LSAMP: variants seen among roughly 807,000 people sequenced by gnomAD.
LSAMP encodes the protein limbic system associated membrane protein, also known as limbic system-associated membrane protein.
A neutral mutation model predicts 38.6 loss-of-function variants in LSAMP; 7 were observed. The observed-to-expected ratio is 0.18, with a 90% confidence interval of 0.10 to 0.34. The LOEUF (loss-of-function observed/expected upper bound fraction) is 0.34, where lower values mean the gene tolerates loss of function less well. LSAMP is among the 10% of genes least tolerant of loss of function. LSAMP has a pLI of 1.00. For synonymous variants in LSAMP, 154 were observed against 166.8 expected (o/e 0.92, Z 0.59); for missense variants, 313 against 420.0 (o/e 0.75, Z 2.23).
intron 3 of LSAMP, among the ~76,000 whole-genome samples, chr3:115,935,281 A>G (rs1004364975): frequency 6.6e-6 from 1 of 152,180 alleles, no homozygotes; most frequent in Non-Finnish European, 1.5e-5. Flanking sequence ...CTTGATCCTG[A>G]GGATGATGAA....
intron 3 of LSAMP, among the ~76,000 whole-genome samples, chr3:115,951,794 A>G (rs1451431569): frequency 6.6e-6 from 1 of 152,052 alleles, no homozygotes; most frequent in African/African-American, 2.4e-5. Flanking sequence ...CAGATGGCCT[A>G]CTGTGGGACC....
chr3:116,341,135 A>G (rs1559834138), intron 1 of LSAMP, among the ~76,000 whole-genome samples: 2 of 152,074 alleles, frequency 1.3e-5, no homozygotes, highest in Non-Finnish European at 2.9e-5. Context: ...ATGCATAGAT[A>G]AAATGGAGTC....
At chr3:116,380,424 T>C (rs1446530856) in intron 1 of LSAMP, among the ~76,000 whole-genome samples, 5 of 152,046 alleles carry the variant, frequency 3.3e-5, no homozygotes, top group Non-Finnish European at 7.4e-5. Flanking sequence ...CCTTTATCTG[T>C]GTGCCTTTCT....
At chr3:116,298,652 T>A (rs940396965) in intron 1 of LSAMP, among the ~76,000 whole-genome samples, 1 of 152,230 alleles carries the variant, frequency 6.6e-6, no homozygotes, top group African/African-American at 2.4e-5. Context: ...TATCAAAGTA[T>A]GTTATATATG....
At chr3:115,853,842 T>A (rs1935409845) in intron 3 of LSAMP, among the ~76,000 whole-genome samples, 1 of 152,220 alleles carries the variant, frequency 6.6e-6, no homozygotes, top group East Asian at 1.9e-4. Context: ...GCAATCACGA[T>A]GCTCCTGGTC....
intron 1 of LSAMP, among the ~76,000 whole-genome samples, chr3:116,392,112 T>G (rs2048709254): frequency 6.6e-6 from 1 of 152,144 alleles, no homozygotes; most frequent in African/African-American, 2.4e-5. Flanking sequence ...AGCAAGAACC[T>G]GAAGCTCCCA....
intron 1 of LSAMP, among the ~76,000 whole-genome samples, chr3:116,151,787 C>A (rs1709617817): frequency 6.6e-6 from 1 of 152,010 alleles, no homozygotes; most frequent in Non-Finnish European, 1.5e-5. Flanking sequence ...TAATGCAGTC[C>A]ATAGAACCCT....
chr3:115,807,482 T>A lies in LSAMP; in HGVS notation c.*2835A>T, dbSNP rs1047963986. 1 of 152,192 alleles carries A rather than the reference T, an allele frequency of 6.6e-6. No individual in the cohort carries two copies. The highest frequency in any genetic ancestry group is 1.5e-5 in the Non-Finnish European group (1 of 68,032). 9.4% of individuals were successfully genotyped at this position (152,192 alleles called of 1,614,324 possible). Reference sequence around the variant, plus strand: ...CTGACATGGCAGACATTTATTTCAATGGAGAAGTTCCTCCCATGAAACCAA... The same window carrying A: ...CTGACATGGCAGACATTTATTTCAAAGGAGAAGTTCCTCCCATGAAACCAA... On this transcript the variant is annotated 3_prime_UTR_variant, in exon 7 of 7. Transcript: ENST00000490035.
intron 1 of LSAMP, among the ~76,000 whole-genome samples, chr3:116,197,163 A>ACACACACACACACACACT (rs1268040540): frequency 2.7e-4 from 37 of 139,204 alleles, no homozygotes; most frequent in African/African-American, 7.7e-4. Flanking sequence ...ACACACACAC[A>ACACACACACACACACACT]CTCTCTCTCT....
intron 3 of LSAMP, among the ~76,000 whole-genome samples, chr3:115,933,425 G>C (rs1937613327): frequency 6.6e-6 from 1 of 152,244 alleles, no homozygotes; most frequent in Middle Eastern, 3.4e-3. Context: ...ACTAAATTTA[G>C]GGAATAAAGA....
At chr3:116,082,334 C>G (rs1707888190) in intron 2 of LSAMP, among the ~76,000 whole-genome samples, 1 of 152,164 alleles carries the variant, frequency 6.6e-6, no homozygotes, top group African/African-American at 2.4e-5. Context: ...GTAAATCCCT[C>G]TCTGATTGCT....
intron 3 of LSAMP, among the ~76,000 whole-genome samples, chr3:115,884,053 T>G (rs1576182845): frequency 6.6e-6 from 1 of 152,128 alleles, no homozygotes; most frequent in African/African-American, 2.4e-5. Flanking sequence ...ATTGGAAAAT[T>G]TGAACATTAA....
intron 1 of LSAMP, among the ~76,000 whole-genome samples, chr3:116,392,172 T>C (rs1055070538): frequency 6.6e-6 from 1 of 152,158 alleles, no homozygotes; most frequent in Non-Finnish European, 1.5e-5. Context: ...ACTGAGCCAG[T>C]GGGAGCTGGG....
At chr3:116,208,588 G>A (rs1247256364) in intron 1 of LSAMP, among the ~76,000 whole-genome samples, 1 of 152,178 alleles carries the variant, frequency 6.6e-6, no homozygotes, top group Non-Finnish European at 1.5e-5. Context: ...TCGTGTGGAT[G>A]TCCTTTCTAT....
chr3:116,204,258 T>C (rs567931995), intron 1 of LSAMP, among the ~76,000 whole-genome samples: 3 of 150,858 alleles, frequency 2.0e-5, no homozygotes, highest in South Asian at 2.1e-4. Flanking sequence ...GTTTGTTTTT[T>C]TCTTGTAAAT....
chr3:116,188,733 A>C (rs535602856), intron 1 of LSAMP, among the ~76,000 whole-genome samples: 52 of 152,312 alleles, frequency 3.4e-4, no homozygotes, highest in Admixed American at 2.4e-3. Context: ...TTGAGCTTCT[A>C]CTATATTGCG....
At chr3:116,086,955 A>G (rs891975964) in intron 1 of LSAMP, among the ~76,000 whole-genome samples, 4 of 152,202 alleles carry the variant, frequency 2.6e-5, no homozygotes, top group South Asian at 2.1e-4. Context: ...TTACTCTTTT[A>G]TAAGTATTTC....
At chr3:116,415,755 G>A (rs2049041472) in intron 1 of LSAMP, among the ~76,000 whole-genome samples, 2 of 152,062 alleles carry the variant, frequency 1.3e-5, no homozygotes, top group African/African-American at 4.8e-5. Flanking sequence ...TTGTAATGCT[G>A]CTGATATTGA....
chr3:116,349,501 A>ACT (rs896330209), intron 1 of LSAMP, among the ~76,000 whole-genome samples: 89 of 142,252 alleles, frequency 6.3e-4, no homozygotes, highest in African/African-American at 2.1e-3. Flanking sequence ...ACACACACAC[A>ACT]CTCTCTCTCT....
Sources: gnomAD v4.1 joint callset for allele counts (sites outside exome capture counted in the v4.1 genomes callset) on GRCh38, gnomAD v4.1.1 for gene constraint, MANE v1.5 for transcripts, NCBI Gene and HGNC (gene_info 2026-07-23, HGNC 2026-07-21) for gene names.